Variants in TNR observed in about 807,000 individuals in gnomAD.
TNR encodes tenascin-R.
A neutral mutation model predicts 150.4 loss-of-function variants in TNR; 45 were observed. The observed-to-expected ratio is 0.30, with a 90% CI of 0.24 to 0.38. TNR has a LOEUF of 0.38. Ranked by LOEUF, TNR falls within the 10% of genes least tolerant of loss-of-function variation. The pLI is 1.00. For synonymous variants in TNR, 687 were observed against 678.4 expected (o/e 1.01, Z -0.20); for missense variants, 1,544 against 1,759.1 (o/e 0.88, Z 2.19).
At chr1:175,700,227 T>C (rs1211472708) in intron 1 of TNR, among the ~76,000 whole-genome samples, 2 of 151,988 alleles carry the variant, frequency 1.3e-5, no homozygotes, top group Non-Finnish European at 2.9e-5. Flanking sequence ...AACAGCCCTC[T>C]CTTGGCCTCC....
In TNR at chr1:175,337,605, G is replaced by A; in HGVS notation, c.3457C>T (p.Pro1153Ser). ...CTCAGCTCCCCATTGAGGAAGATGG[G>A]GTAAACCCCACTCAAAGTGTCTCCA... ...MNGDTLSGVY[P>S]IFLNGELSQK... Residue 1153 changes from proline (P) to serine (S), a missense_variant, in exon 19 of 23, where the codon CCC (proline) becomes TCC (serine). Physicochemically the swap from Pro to Ser is moderately conservative, Grantham distance 74. Transcript: ENST00000367674. 1 of 1,614,150 alleles carries A rather than the reference G, an allele frequency of 6.2e-7. No individual in the cohort carries two copies. The highest frequency in any genetic ancestry group is 8.5e-7 in the Non-Finnish European group (1 of 1,180,030).
At chr1:175,682,824 C>T (rs1191743891) in intron 1 of TNR, among the ~76,000 whole-genome samples, 1 of 152,132 alleles carries the variant, frequency 6.6e-6, no homozygotes, top group African/African-American at 2.4e-5. Flanking sequence ...ACCCCTGGGA[C>T]CCCACACGCA....
intron 2 of TNR, among the ~76,000 whole-genome samples, chr1:175,481,975 C>T (rs1557960763): frequency 6.6e-6 from 1 of 152,168 alleles, no homozygotes; most frequent in African/African-American, 2.4e-5. Context: ...CTGTGAAGCC[C>T]ACCTGATGCA....
intron 1 of TNR, among the ~76,000 whole-genome samples, chr1:175,672,152 G>A (rs1665719664): frequency 1.3e-5 from 2 of 152,114 alleles, no homozygotes; most frequent in South Asian, 4.2e-4. Flanking sequence ...GTAAAATGGG[G>A]ACATTAAAAC....
chr1:175,597,086 C>T (rs185232101), intron 1 of TNR, among the ~76,000 whole-genome samples: 64 of 152,206 alleles, frequency 4.2e-4, no homozygotes, highest in South Asian at 1.9e-3. Context: ...TGATGTTTTG[C>T]ATTTATATAG....
chr1:175,354,303 C>T (rs1651212946), intron 18 of TNR, 88 bp downstream of exon 18: 2 of 1,519,374 alleles, frequency 1.3e-6, no homozygotes, highest in Admixed American at 2.1e-5. Flanking sequence ...TGATAAACTG[C>T]TCCCAGAGCA....
chr1:175,696,230 T>TG (rs1558077889), intron 1 of TNR, among the ~76,000 whole-genome samples: 9 of 145,828 alleles, frequency 6.2e-5, no homozygotes, highest in African/African-American at 1.9e-4. Flanking sequence ...TTTTTTTTTT[T>TG]TTTTTTTTTT....
intron 18 of TNR, among the ~76,000 whole-genome samples, chr1:175,352,149 G>A (rs2102003118): frequency 6.6e-6 from 1 of 152,298 alleles, no homozygotes; most frequent in Middle Eastern, 3.4e-3. Context: ...TCTAAGAGAG[G>A]GCAGTGAGGG....
At chr1:175,678,629 A>G (rs2861557) in intron 1 of TNR, among the ~76,000 whole-genome samples, 99,442 of 152,128 alleles carry the variant, frequency 0.65, 32,899 homozygotes, top group East Asian at 0.92. Context: ...ATCTGGGAGT[A>G]GGCTAGCTTG....
intron 1 of TNR, among the ~76,000 whole-genome samples, chr1:175,649,807 T>C (rs1422821937): frequency 1.3e-5 from 2 of 152,122 alleles, no homozygotes. Flanking sequence ...TACTGCCCAC[T>C]CTTCATGAAC....
chr1:175,452,967 G>A (rs971133405), intron 2 of TNR, among the ~76,000 whole-genome samples: 5 of 152,054 alleles, frequency 3.3e-5, no homozygotes, highest in African/African-American at 1.2e-4. Context: ...GGGGGCAGCG[G>A]GAGTTACCGT....
intron 1 of TNR, among the ~76,000 whole-genome samples, chr1:175,631,043 C>T (rs1323120): frequency 0.29 from 43,346 of 152,060 alleles, 7,313 homozygotes; most frequent in East Asian, 0.5. Flanking sequence ...TGTGGGTCAG[C>T]GGGTGTTCTC....
intron 2 of TNR, among the ~76,000 whole-genome samples, chr1:175,524,399 A>G (rs886704117): frequency 6.6e-6 from 1 of 152,076 alleles, no homozygotes; most frequent in Non-Finnish European, 1.5e-5. Flanking sequence ...AGAGAGAATC[A>G]GGAAATCAAG....
At chr1:175,455,032 C>T (rs1656503700) in intron 2 of TNR, among the ~76,000 whole-genome samples, 1 of 152,180 alleles carries the variant, frequency 6.6e-6, no homozygotes. Context: ...GAAGCTTCTT[C>T]CTTGTTCTCA....
chr1:175,657,887 A>ATATATAT (rs1553251721), intron 1 of TNR, among the ~76,000 whole-genome samples: 2 of 126,176 alleles, frequency 1.6e-5, no homozygotes, highest in African/African-American at 5.7e-5. Context: ...ATATATATGT[A>ATATATAT]ACAAACCTGC....
intron 1 of TNR, among the ~76,000 whole-genome samples, chr1:175,707,169 C>A (rs1354786493): frequency 6.6e-6 from 1 of 152,122 alleles, no homozygotes. Context: ...TGCCCTAGAG[C>A]ACTTTAAAAG....
At chr1:175,677,071 C>G (rs1449439368) in intron 1 of TNR, among the ~76,000 whole-genome samples, 2 of 152,186 alleles carry the variant, frequency 1.3e-5, no homozygotes, top group Non-Finnish European at 2.9e-5. Context: ...CAGGGGAATG[C>G]TTTTTCTACT....
chr1:175,540,571 G>C (rs1660462858), intron 1 of TNR, among the ~76,000 whole-genome samples: 1 of 152,162 alleles, frequency 6.6e-6, no homozygotes, highest in Non-Finnish European at 1.5e-5. Flanking sequence ...AGATGGTTTG[G>C]TTTCTTTGGG....
intron 1 of TNR, among the ~76,000 whole-genome samples, chr1:175,622,678 G>C (rs981541972): frequency 2.6e-5 from 4 of 152,146 alleles, no homozygotes; most frequent in Non-Finnish European, 5.9e-5. Flanking sequence ...AGGTTGTAAC[G>C]AAGTACAACA....
Sources: gnomAD v4.1 joint callset for allele counts (sites outside exome capture counted in the v4.1 genomes callset) on GRCh38, gnomAD v4.1.1 for gene constraint, MANE v1.5 for transcripts, NCBI Gene and HGNC (gene_info 2026-07-23, HGNC 2026-07-21) for gene names.